Variants in CCSER1 observed in about 807,000 individuals in gnomAD.
CCSER1 encodes the protein coiled-coil serine rich protein 1, also known as serine-rich coiled-coil domain-containing protein 1.
Under a neutral mutation model 82.0 loss-of-function variants are expected in CCSER1, and 41 were observed. The observed-to-expected ratio is 0.50, with a 90% confidence interval of 0.39 to 0.65. CCSER1 has a LOEUF of 0.65. CCSER1 is among the 30% of genes least tolerant of loss of function. The pLI is 0.00. For missense variants in CCSER1, 1,119 were observed against 1,064.2 expected (o/e 1.05, Z -0.72); for synonymous variants, 414 against 383.9 (o/e 1.08, Z -0.92).
intron 5 of CCSER1, among the ~76,000 whole-genome samples, chr4:90,495,102 T>C (rs1014947703): frequency 6.6e-6 from 1 of 152,202 alleles, no homozygotes; most frequent in Non-Finnish European, 1.5e-5. Context: ...GAATCTTCTC[T>C]ATTTTCACAG....
At chr4:91,541,471 T>C (rs1261294877) in intron 10 of CCSER1, among the ~76,000 whole-genome samples, 3 of 152,240 alleles carry the variant, frequency 2.0e-5, no homozygotes, top group Admixed American at 6.5e-5. Context: ...AGTGAGAACA[T>C]GCGGTGTTTG....
intron 1 of CCSER1, among the ~76,000 whole-genome samples, chr4:90,259,613 T>A (rs1402189446): frequency 6.6e-6 from 1 of 152,188 alleles, no homozygotes; most frequent in African/African-American, 2.4e-5. Flanking sequence ...ATGGCTTTTA[T>A]TACTTTGAGG....
intron 8 of CCSER1, among the ~76,000 whole-genome samples, chr4:90,825,496 G>T (rs765470189): frequency 3.9e-5 from 6 of 151,994 alleles, no homozygotes; most frequent in Non-Finnish European, 8.8e-5. Context: ...AATATATAAC[G>T]CATGTTCCTG....
chr4:90,814,802 G>T (rs1365118690), intron 7 of CCSER1, among the ~76,000 whole-genome samples: 1 of 152,144 alleles, frequency 6.6e-6, no homozygotes, highest in Non-Finnish European at 1.5e-5. Context: ...CCTCAGCCTG[G>T]ACTTTGTTGA....
chr4:91,272,422 C>T (rs1009778657), intron 10 of CCSER1, among the ~76,000 whole-genome samples: 1 of 152,060 alleles, frequency 6.6e-6, no homozygotes, highest in African/African-American at 2.4e-5. Flanking sequence ...TATTCATGTC[C>T]TTAGCCCACT....
chr4:90,263,111 C>T (rs998798359), intron 1 of CCSER1, among the ~76,000 whole-genome samples: 4 of 152,176 alleles, frequency 2.6e-5, no homozygotes, highest in African/African-American at 9.7e-5. Flanking sequence ...GCTGCAATAG[C>T]ATCTCTGCTA....
intron 7 of CCSER1, among the ~76,000 whole-genome samples, chr4:90,772,431 T>G (rs1286932134): frequency 1.3e-5 from 2 of 152,176 alleles, no homozygotes; most frequent in African/African-American, 4.8e-5. Context: ...GTTCTATATA[T>G]TCTAACAGAT....
chr4:90,544,085 A>T (rs990983897), intron 5 of CCSER1, among the ~76,000 whole-genome samples: 2 of 152,106 alleles, frequency 1.3e-5, no homozygotes, highest in Admixed American at 6.6e-5. Context: ...GGACTACCGG[A>T]TGAGGGCCAG....
intron 7 of CCSER1, among the ~76,000 whole-genome samples, chr4:90,764,414 T>C (rs2149532116): frequency 6.6e-6 from 1 of 152,284 alleles, no homozygotes; most frequent in East Asian, 1.9e-4. Context: ...AAACATCGTC[T>C]TCAATAATAA....
At chr4:91,441,541 T>C (rs1005364108) in intron 10 of CCSER1, among the ~76,000 whole-genome samples, 5 of 152,144 alleles carry the variant, frequency 3.3e-5, no homozygotes, top group African/African-American at 1.2e-4. Flanking sequence ...ACTGGAAGCA[T>C]TCCCTTTGAA....
At chr4:90,265,636 T>C (rs192835492) in intron 1 of CCSER1, among the ~76,000 whole-genome samples, 38 of 152,182 alleles carry the variant, frequency 2.5e-4, no homozygotes, top group Admixed American at 3.9e-4. Flanking sequence ...TATTACAAAA[T>C]AAAACGTATT....
At chr4:91,540,450 TG>T (rs1307671928) in intron 10 of CCSER1, among the ~76,000 whole-genome samples, 1 of 152,184 alleles carries the variant, frequency 6.6e-6, no homozygotes, top group Admixed American at 6.6e-5. Flanking sequence ...TTTTATGCTT[TG>T]AAAAACAGCC....
chr4:90,223,138 A>T (rs1024188090), intron 1 of CCSER1, among the ~76,000 whole-genome samples: 2 of 152,216 alleles, frequency 1.3e-5, no homozygotes, highest in Admixed American at 6.5e-5. Flanking sequence ...AACCCCATGC[A>T]ATCACTGATA....
intron 3 of CCSER1, among the ~76,000 whole-genome samples, chr4:90,362,101 G>A (rs949218204): frequency 1.3e-5 from 2 of 152,090 alleles, no homozygotes; most frequent in Non-Finnish European, 1.5e-5. Flanking sequence ...GAGAACCCAA[G>A]CAAATACTGA....
At chr4:90,606,195 G>A (rs898062942) in intron 5 of CCSER1, among the ~76,000 whole-genome samples, 4 of 119,846 alleles carry the variant, frequency 3.3e-5, no homozygotes, top group Non-Finnish European at 6.5e-5. Context: ...TTGCCATGGG[G>A]AGAGTCCTAG....
At chr4:90,583,629 G>T (rs1180544722) in intron 5 of CCSER1, among the ~76,000 whole-genome samples, 37 of 151,930 alleles carry the variant, frequency 2.4e-4, no homozygotes, top group Admixed American at 2.4e-3. Context: ...TAATTTTTTT[G>T]CAGGGAAGTA....
chr4:90,845,782 A>G (rs924444487), intron 8 of CCSER1, among the ~76,000 whole-genome samples: 16 of 151,194 alleles, frequency 1.1e-4, no homozygotes, highest in Non-Finnish European at 1.6e-4. Flanking sequence ...TATACAGCCT[A>G]TAATGTTTTT....
At position 90,524,354 on chromosome 4, in the gene CCSER1, G is replaced by A. The variant is rs76644768; in HGVS notation, c.1724+56000G>A. On this transcript the variant is annotated intron_variant, in intron 5 of 10. Coordinates refer to ENST00000509176, the MANE Select transcript of CCSER1 (RefSeq NM_001145065.2). ...TTTTAGCATTCAGTGGTTAAGCCAAGGGGCAAACAGCTGGAGCAGAGCTAG... is the reference window on the plus strand; with the variant it reads ...TTTTAGCATTCAGTGGTTAAGCCAAAGGGCAAACAGCTGGAGCAGAGCTAG... Among the ~76,000 whole-genome samples, 1,232 of 152,328 alleles carry A rather than the reference G, an allele frequency of 8.1e-3. 19 individuals are homozygous for A. Among genetic ancestry groups the A allele is most frequent in the South Asian group, 0.068 (328 of 4,830 alleles).
chr4:90,925,859 CA>C (rs1385017115), intron 9 of CCSER1, among the ~76,000 whole-genome samples: 2 of 152,012 alleles, frequency 1.3e-5, no homozygotes, highest in Non-Finnish European at 2.9e-5. Context: ...GAATCCCCTT[CA>C]TATGAGCAAA....
Sources: allele counts gnomAD v4.1 joint callset (sites outside exome capture counted in the v4.1 genomes callset), GRCh38; gene constraint gnomAD v4.1.1; transcripts MANE v1.5; gene names NCBI Gene and HGNC (gene_info 2026-07-23, HGNC 2026-07-21).